The following SMAP1 variants were observed in gnomAD, a reference collection of about 807,000 sequenced individuals.
SMAP1 encodes the protein stromal membrane-associated protein 1.
Under a neutral mutation model 58.5 loss-of-function variants are expected in SMAP1, and 24 were observed. The ratio of observed to expected loss-of-function variants is 0.41; its 90% CI spans 0.30 to 0.58. SMAP1 has a LOEUF of 0.58. Ranked by LOEUF, SMAP1 falls within the 20% of genes least tolerant of loss-of-function variation. The pLI is 0.29. For missense variants in SMAP1, 563 were observed against 566.3 expected (o/e 0.99, Z 0.06); for synonymous variants, 216 against 196.6 (o/e 1.10, Z -0.82).
rs183115407 is a variant in SMAP1 at position 70,860,621 on chromosome 6, A to G, written c.*287A>G. The G allele has an allele frequency of 2.9e-3, 1,264 of 432,146 alleles. 3 individuals are homozygous for G. Among genetic ancestry groups the G allele is most frequent in the Non-Finnish European group, 4.4e-3 (1,083 of 246,596 alleles). The allele number at this position is 432,146 out of a possible 1,614,324, so 26.8% of individuals were successfully genotyped here. ...ACTTGCAAAATCAGTTTTCCTCTCA[A>G]TAAAATTATAGCTCTAATGTTTGCA... On this transcript the variant is annotated 3_prime_UTR_variant, in exon 11 of 11. Coordinates refer to ENST00000370455, the MANE Select transcript of SMAP1 (RefSeq NM_001044305.3).
intron 6 of SMAP1, among the ~76,000 whole-genome samples, chr6:70,814,982 G>A (rs989156945): frequency 2.6e-5 from 4 of 152,218 alleles, no homozygotes; most frequent in African/African-American, 9.6e-5. Context: ...GGACAGATAT[G>A]GAACTAGCTG....
At chr6:70,770,973 G>T (rs1478439674) in intron 3 of SMAP1, among the ~76,000 whole-genome samples, 1 of 152,170 alleles carries the variant, frequency 6.6e-6, no homozygotes. Context: ...TAACAGACAG[G>T]ACCCTCAGCT....
intron 5 of SMAP1, among the ~76,000 whole-genome samples, chr6:70,793,711 TTTTA>T (rs202039044): frequency 1.3e-5 from 2 of 151,568 alleles, no homozygotes; most frequent in East Asian, 1.9e-4. Context: ...TTTATTTTAT[TTTTA>T]TTTATTTATT....
At chr6:70,692,627 C>T (rs1404503114) in intron 1 of SMAP1, among the ~76,000 whole-genome samples, 2 of 152,194 alleles carry the variant, frequency 1.3e-5, no homozygotes, top group African/African-American at 4.8e-5. Flanking sequence ...TTTTATTCTT[C>T]TGCATATTTA....
intron 6 of SMAP1, among the ~76,000 whole-genome samples, chr6:70,817,220 G>A (rs973560303): frequency 2.0e-5 from 3 of 151,310 alleles, no homozygotes; most frequent in African/African-American, 7.3e-5. Flanking sequence ...ATAGATATTA[G>A]TTCATTGTCC....
intron 1 of SMAP1, among the ~76,000 whole-genome samples, chr6:70,676,562 G>A (rs190288834): frequency 2.0e-5 from 3 of 152,276 alleles, no homozygotes; most frequent in Admixed American, 2.0e-4. Flanking sequence ...ACCTGTTTTT[G>A]TTGTAGAAAT....
intron 1 of SMAP1, among the ~76,000 whole-genome samples, chr6:70,716,903 C>G (rs1768290568): frequency 6.6e-6 from 1 of 152,058 alleles, no homozygotes; most frequent in South Asian, 2.1e-4. Flanking sequence ...ACATATTTCT[C>G]TGTTTCTTTA....
At chr6:70,701,505 G>C (rs1488081728) in intron 1 of SMAP1, among the ~76,000 whole-genome samples, 1 of 152,204 alleles carries the variant, frequency 6.6e-6, no homozygotes, top group Non-Finnish European at 1.5e-5. Flanking sequence ...GCTTTAGCAT[G>C]CACTGGTGGG....
chr6:70,783,549 T>C (rs1767860072), intron 4 of SMAP1, among the ~76,000 whole-genome samples: 1 of 151,934 alleles, frequency 6.6e-6, no homozygotes, highest in African/African-American at 2.4e-5. Context: ...AGTTAAAAAC[T>C]TTGAAAAAAA....
intron 2 of SMAP1, among the ~76,000 whole-genome samples, chr6:70,745,765 A>G (rs891331590): frequency 6.6e-6 from 1 of 152,220 alleles, no homozygotes; most frequent in Non-Finnish European, 1.5e-5. Flanking sequence ...TACCTTGGGC[A>G]GTATGGCCAT....
rs68188898 is a variant in SMAP1, at chr6:70,858,287, CTTTTTTTTTTTTTTTT to C, written c.1269+71_1269+86del. 60 of 290,740 alleles carry C rather than the reference CTTTTTTTTTTTTTTTT, an allele frequency of 2.1e-4. 1 individual carries two copies. In the East Asian group the frequency reaches 3.9e-3, roughly 19 times the overall value. The allele number at this position is 290,740 out of a possible 1,614,324, so 18.0% of individuals were successfully genotyped here. On this transcript the variant is annotated intron_variant, in intron 10 of 10. Transcript: ENST00000370455. ...ATCAAACCAGATTTATTTTCTAAAT[CTTTTTTTTTTTTTTTT>C]TTTTTTTTTTTTAAGTCTAGTGATC...
chr6:70,861,588 T>C lies in SMAP1; in HGVS notation c.*1254T>C. On this transcript the variant is annotated 3_prime_UTR_variant, in exon 11 of 11. Coordinates refer to ENST00000370455, the MANE Select transcript of SMAP1 (RefSeq NM_001044305.3). Reference sequence around the variant, plus strand: ...TAAAACAAACAATACCTGAATGCTCTGTAGCCTAAACTCCAAACATCCTCT... The same window carrying C: ...TAAAACAAACAATACCTGAATGCTCCGTAGCCTAAACTCCAAACATCCTCT... 8.1e-6 allele frequency: 11 copies of C among 1,358,132 alleles called. No individual in the cohort carries two copies. The highest frequency in any genetic ancestry group is 1.1e-5 in the Non-Finnish European group (11 of 962,186). 84.1% of individuals were successfully genotyped at this position (1,358,132 alleles called of 1,614,324 possible).
At chr6:70,770,333 C>A (rs1450756962) in intron 3 of SMAP1, among the ~76,000 whole-genome samples, 1 of 152,162 alleles carries the variant, frequency 6.6e-6, no homozygotes, top group Non-Finnish European at 1.5e-5. Flanking sequence ...GGATAATATC[C>A]TGCAGAGTGT....
intron 5 of SMAP1, among the ~76,000 whole-genome samples, chr6:70,795,587 C>T (rs1233806242): frequency 6.6e-6 from 1 of 152,122 alleles, no homozygotes; most frequent in Non-Finnish European, 1.5e-5. Flanking sequence ...ATGACTTAAT[C>T]ACTTCCCAAA....
At chr6:70,783,460 C>T (rs1033363621) in intron 4 of SMAP1, among the ~76,000 whole-genome samples, 1 of 152,192 alleles carries the variant, frequency 6.6e-6, no homozygotes, top group Admixed American at 6.5e-5. Context: ...GAGAATGACT[C>T]TGACGAGTTG....
chr6:70,811,629 AAT>A (rs1453946916), intron 6 of SMAP1, among the ~76,000 whole-genome samples: 5 of 152,104 alleles, frequency 3.3e-5, no homozygotes, highest in Non-Finnish European at 5.9e-5. Context: ...CCTTATTTAA[AAT>A]GACATGATTT....
At chr6:70,781,127 G>T (rs967006115) in intron 4 of SMAP1, among the ~76,000 whole-genome samples, 19 of 152,108 alleles carry the variant, frequency 1.2e-4, no homozygotes, top group African/African-American at 3.1e-4. Flanking sequence ...ACTTTAATCA[G>T]CCCTTTAATT....
chr6:70,763,105 A>ATTTTTT (rs1766820044), intron 3 of SMAP1, among the ~76,000 whole-genome samples: 5 of 56,534 alleles, frequency 8.8e-5, no homozygotes, highest in African/African-American at 2.0e-4. Flanking sequence ...TACAGATATT[A>ATTTTTT]CTTTTTTTTT....
At chr6:70,766,381 A>G (rs1403122405) in intron 3 of SMAP1, among the ~76,000 whole-genome samples, 5 of 152,208 alleles carry the variant, frequency 3.3e-5, no homozygotes, top group Admixed American at 6.5e-5. Context: ...AAGTGTTCCT[A>G]TTTCTCCACA....
Sources: gnomAD v4.1 joint callset for allele counts (sites outside exome capture counted in the v4.1 genomes callset) on GRCh38, gnomAD v4.1.1 for gene constraint, MANE v1.5 for transcripts, NCBI Gene and HGNC (gene_info 2026-07-23, HGNC 2026-07-21) for gene names.